The following MCM3AP variants were observed in gnomAD, a reference collection of about 807,000 sequenced individuals.
The protein encoded by MCM3AP is germinal-center associated nuclear protein.
MCM3AP carries 126 observed loss-of-function variants against 184.1 expected under a neutral mutation model. The observed-to-expected ratio is 0.68, with a 90% CI of 0.59 to 0.79. The LOEUF is 0.79. MCM3AP is among the 30% of genes least tolerant of loss of function. The pLI is 0.00. For missense variants in MCM3AP, 2,496 were observed against 2,479.2 expected (o/e 1.01, Z -0.14); for synonymous variants, 1,002 against 979.3 (o/e 1.02, Z -0.43).
In MCM3AP at chr21:46,279,988, C is replaced by G; in HGVS notation, c.1667+5G>C. The G allele has an allele frequency of 6.2e-7, 1 of 1,609,016 alleles. No homozygotes were observed. The highest frequency in any genetic ancestry group is 8.5e-7 in the Non-Finnish European group (1 of 1,178,336). On this transcript the variant is annotated splice_donor_5th_base_variant and intron_variant, in intron 4 of 27. Transcript: ENST00000291688. The stretch of plus-strand genomic sequence containing the variant: ...AATAAGGTCATTAGGAGGGACCGAT[C>G]CCACCTTTTATTCAGGAGGCTGCTA...
intron 15 of MCM3AP, 59 bp from the exon 16 acceptor site, chr21:46,259,150 G>T: frequency 1.3e-6 from 2 of 1,540,676 alleles, no homozygotes; most frequent in Non-Finnish European, 1.8e-6. Context: ...GACACTGAGG[G>T]CTTGCTTGAA....
rs752423721 is a variant in MCM3AP at position 46,284,619 on chromosome 21, G to A, written c.668C>T (p.Thr223Ile). ...TACATTTTGGTTTGACAAAGCAGGG[G>A]TAAAGGCAGATAATGAATTATTACT... ...VSSNNSLSAF[T>I]PALSNQNVEE... The change falls in exon 1 of 28, where the codon ACC (threonine) becomes ATC (isoleucine). Residue 223 changes from threonine to isoleucine, a missense_variant. Physicochemically the swap from Thr to Ile is moderately conservative, Grantham distance 89. Transcript: ENST00000291688. The A allele has an allele frequency of 5.0e-6, 8 of 1,614,194 alleles. No homozygotes were observed. In the East Asian group the frequency reaches 1.1e-4, roughly 22 times the overall value.
Position 46,243,709 on chromosome 21 carries a change from G to T in MCM3AP, c.5052C>A (p.Pro1684=). ...DLPPLGAPWL[P]VCSMVVQYAS... is the part of the protein sequence containing the mutation. Reference sequence around the variant, plus strand: ...CGTACTGGACAACCATGGAGCACACGGGGAGCCAGGGGGCTGGGGAGAAAG... The same window carrying T: ...CGTACTGGACAACCATGGAGCACACTGGGAGCCAGGGGGCTGGGGAGAAAG... Residue 1684 remains proline (P), a synonymous_variant, in exon 24 of 28, where the codon CCC becomes CCA. Coordinates refer to ENST00000291688, the MANE Select transcript of MCM3AP (RefSeq NM_003906.5). 6.2e-7 allele frequency: 1 copy of T among 1,613,932 alleles called. No homozygotes were observed. The highest frequency in any genetic ancestry group is 1.3e-5 in the African/African-American group (1 of 75,064).
intron 10 of MCM3AP, 78 bp from the exon 11 acceptor site, chr21:46,266,244 C>CTG (rs2081110925): frequency 5.7e-5 from 83 of 1,455,464 alleles, no homozygotes; most frequent in Non-Finnish European, 7.4e-5. Flanking sequence ...CTGCCGAGTA[C>CTG]TGCAAGCCCC....
At chr21:46,248,108 G>A (rs1003606934) in intron 20 of MCM3AP, among the ~76,000 whole-genome samples, 1 of 152,190 alleles carries the variant, frequency 6.6e-6, no homozygotes, top group African/African-American at 2.4e-5. Flanking sequence ...ATGTGGGTGT[G>A]TAAGGAGTCA....
At chr21:46,249,646 C>G (rs906138459) in intron 20 of MCM3AP, 1 of 448,886 alleles carries the variant, frequency 2.2e-6, no homozygotes, top group African/African-American at 2.0e-5. Flanking sequence ...AAATTCCCCT[C>G]GCATGACATA....
chr21:46,248,475 T>C (rs2080812468), intron 20 of MCM3AP, among the ~76,000 whole-genome samples: 1 of 152,210 alleles, frequency 6.6e-6, no homozygotes, highest in African/African-American at 2.4e-5. Context: ...GCTTGCCATT[T>C]AGCTACCATC....
intron 13 of MCM3AP, among the ~76,000 whole-genome samples, chr21:46,263,130 C>T (rs775037470): frequency 9.9e-5 from 15 of 151,360 alleles, no homozygotes; most frequent in Admixed American, 2.0e-4. Flanking sequence ...GAGATCGAGA[C>T]CATCCTGGCT....
chr21:46,271,802 A>C (rs893463803), intron 8 of MCM3AP, among the ~76,000 whole-genome samples: 3 of 152,100 alleles, frequency 2.0e-5, no homozygotes, highest in Non-Finnish European at 4.4e-5. Context: ...TGGAGGTTGC[A>C]GTGAGCCAAG....
chr21:46,265,182 G>T, intron 12 of MCM3AP, 139 bp downstream of exon 12: 1 of 700,586 alleles, frequency 1.4e-6, no homozygotes, highest in Non-Finnish European at 2.4e-6. Flanking sequence ...ACCTGAGGCT[G>T]AGTGACTCTA....
At chr21:46,263,912 G>C (rs553144464) in intron 13 of MCM3AP, among the ~76,000 whole-genome samples, 4 of 148,850 alleles carry the variant, frequency 2.7e-5, no homozygotes, top group African/African-American at 1.0e-4. Context: ...CCTAAAATTC[G>C]CATGGTATCT....
At position 46,235,287 on chromosome 21, in the gene MCM3AP, A is replaced by G; in HGVS notation, c.5924T>C (p.Leu1975Pro). 1.2e-6 allele frequency: 2 copies of G among 1,614,164 alleles called. No homozygotes were observed. Among genetic ancestry groups the G allele is most frequent in the Non-Finnish European group, 1.7e-6 (2 of 1,180,012 alleles). ...GGCTGCTCAAATGTCCACCATGTCT[A>G]GCAGCGCAGAGAGATGGAGCTCAGA... is the stretch of plus-strand genomic sequence containing the variant. ...VASELHLSAL[L>P]DMVDI is the part of the protein sequence containing the mutation. The change falls in exon 28 of 28, where the codon CTA (leucine) becomes CCA (proline). Residue 1975 changes from leucine to proline, a missense_variant. Around this residue, in one of 5 missense-constraint regions of MCM3AP, gnomAD observed 1,323 missense variants for 1,273.4 expected, o/e 1.04. Coordinates refer to ENST00000291688, the MANE Select transcript of MCM3AP (RefSeq NM_003906.5).
chr21:46,276,287 T>C (rs1271020113), intron 5 of MCM3AP, among the ~76,000 whole-genome samples: 1 of 126,522 alleles, frequency 7.9e-6, no homozygotes, highest in African/African-American at 2.7e-5. Context: ...AGAAAAATTC[T>C]AATACCTAAT....
rs760715309 is a variant in MCM3AP at position 46,257,693 on chromosome 21, G to A, written c.3735-707C>T. 5.3e-5 allele frequency among the ~76,000 whole-genome samples: 8 copies of A among 151,892 alleles called. No individual in the cohort carries two copies. In the South Asian group the frequency reaches 6.2e-4, roughly 12 times the overall value. ...CCCAGCACTTTGGGAGGCCGAGGCG[G>A]GCGGATCACGAGGTCAGGAGTTCGA... On this transcript the variant is annotated intron_variant, in intron 16 of 27. Transcript: ENST00000291688.
At chr21:46,263,772 C>G (rs538691749) in intron 13 of MCM3AP, among the ~76,000 whole-genome samples, 2 of 83,276 alleles carry the variant, frequency 2.4e-5, no homozygotes, top group East Asian at 7.4e-4. Flanking sequence ...CAGAGCAAGA[C>G]TCCATCTCAA....
At chr21:46,242,760 C>G (rs2080690301) in intron 25 of MCM3AP, 42 bp downstream of exon 25, 1 of 1,566,216 alleles carries the variant, frequency 6.4e-7, no homozygotes, top group South Asian at 1.2e-5. Flanking sequence ...AAGAAAAATA[C>G]AGTTTAGCAA....
intron 16 of MCM3AP, 76 bp downstream of exon 16, chr21:46,258,863 A>G: frequency 4.2e-6 from 6 of 1,435,114 alleles, no homozygotes; most frequent in Non-Finnish European, 5.9e-6. Context: ...AGAAACTAAT[A>G]GCTCATATAT....
At chr21:46,275,029 GA>G (rs1359456182) in intron 6 of MCM3AP, among the ~76,000 whole-genome samples, 156 bp downstream of exon 6, 1 of 150,126 alleles carries the variant, frequency 6.7e-6, no homozygotes, top group Non-Finnish European at 1.5e-5. Flanking sequence ...ACCAATTACA[GA>G]GTGAACATCT....
At position 46,245,108 on chromosome 21, in the gene MCM3AP, C is replaced by G; in HGVS notation, c.4737G>C (p.Gly1579=). The change falls in exon 23 of 28, where the codon GGG becomes GGC. Residue 1579 remains glycine (G), a synonymous_variant. Coordinates refer to ENST00000291688, the MANE Select transcript of MCM3AP (RefSeq NM_003906.5). ...AGCGGCCACTAAACTCATGGCCAAT[C>G]CCGTCTTCGACGTACTGAATGAGAG... ...CQTLIQYVED[G]IGHEFSGRFF... 2 of 1,614,214 alleles carry G rather than the reference C, an allele frequency of 1.2e-6. No homozygotes were observed. The highest frequency in any genetic ancestry group is 1.7e-6 in the Non-Finnish European group (2 of 1,180,032).
Sources: gnomAD v4.1 joint callset for allele counts (sites outside exome capture counted in the v4.1 genomes callset) on GRCh38, gnomAD v4.1.1 for gene constraint, gnomAD v4.1.1 regional missense constraint, MANE v1.5 for transcripts, NCBI Gene and HGNC (gene_info 2026-07-23, HGNC 2026-07-21) for gene names.